UBE2F: variants seen among roughly 807,000 people sequenced by gnomAD.
UBE2F encodes the protein ubiquitin conjugating enzyme E2 F (putative).
In UBE2F, 5 loss-of-function variants were observed where a neutral mutation model predicts 29.6. The observed-to-expected ratio is 0.17, with a 90% confidence interval of 0.09 to 0.36. The LOEUF (loss-of-function observed/expected upper bound fraction) is 0.36, where lower values mean the gene tolerates loss of function less well. Ranked by LOEUF, UBE2F falls within the 10% of genes least tolerant of loss-of-function variation. The pLI is 1.00. For missense variants in UBE2F, 141 were observed against 228.5 expected (o/e 0.62, Z 2.47); for synonymous variants, 66 against 81.8 (o/e 0.81, Z 1.04).
intron 4 of UBE2F, among the ~76,000 whole-genome samples, chr2:238,004,891 C>T (rs1170274528): frequency 6.6e-6 from 1 of 152,146 alleles, no homozygotes; most frequent in Non-Finnish European, 1.5e-5. Flanking sequence ...ACTGCTCCCT[C>T]TGGAGATGGA....
intron 2 of UBE2F, among the ~76,000 whole-genome samples, chr2:237,984,084 C>T (rs112033150): frequency 6.6e-6 from 1 of 151,754 alleles, no homozygotes; most frequent in Non-Finnish European, 1.5e-5. Context: ...TCCTACCCCT[C>T]CCCTACTCCT....
intron 4 of UBE2F, among the ~76,000 whole-genome samples, chr2:238,000,725 ATAAAAC>A (rs1371655137): frequency 2.0e-5 from 3 of 152,212 alleles, no homozygotes; most frequent in African/African-American, 7.2e-5. Flanking sequence ...GTTTAACTTT[ATAAAAC>A]CACCGCCATT....
At chr2:237,979,072 G>A (rs2063335012) in intron 2 of UBE2F, among the ~76,000 whole-genome samples, 1 of 152,218 alleles carries the variant, frequency 6.6e-6, no homozygotes, top group African/African-American at 2.4e-5. Flanking sequence ...GTCTCCAGGA[G>A]GTCTGACAGG....
intron 4 of UBE2F, among the ~76,000 whole-genome samples, chr2:238,004,383 T>C (rs2063858993): frequency 6.6e-6 from 1 of 152,126 alleles, no homozygotes; most frequent in South Asian, 2.1e-4. Flanking sequence ...TGCTCAACTG[T>C]TGTGCTCATT....
intron 9 of UBE2F, among the ~76,000 whole-genome samples, chr2:238,038,328 C>T (rs1246314726): frequency 6.6e-6 from 1 of 152,236 alleles, no homozygotes; most frequent in Non-Finnish European, 1.5e-5. Flanking sequence ...CAGCCCTGTG[C>T]TCACAGCTCC....
At chr2:238,007,972 T>C (rs943139634) in intron 4 of UBE2F, among the ~76,000 whole-genome samples, 1 of 152,158 alleles carries the variant, frequency 6.6e-6, no homozygotes, top group Non-Finnish European at 1.5e-5. Context: ...GATTTTTTTT[T>C]AGACAAGGTC....
chr2:237,981,046 C>T (rs151240590), intron 2 of UBE2F, among the ~76,000 whole-genome samples: 192 of 152,296 alleles, frequency 1.3e-3, no homozygotes, highest in Non-Finnish European at 2.2e-3. Flanking sequence ...GGAAGTTATG[C>T]GGCCACGGAA....
chr2:237,986,268 A>G (rs1173260866), intron 2 of UBE2F: 1 of 302,106 alleles, frequency 3.3e-6, no homozygotes, highest in African/African-American at 2.3e-5. Context: ...TCCCACTTCA[A>G]TATCTTGAGC....
rs1322060467 is a variant in UBE2F, at chr2:238,041,712, T to C, written c.*374T>C. 1 of 199,740 alleles carries C rather than the reference T, an allele frequency of 5.0e-6. No homozygotes were observed. The highest frequency in any genetic ancestry group is 1.0e-5 in the Non-Finnish European group (1 of 97,632). 12.4% of individuals were successfully genotyped at this position (199,740 alleles called of 1,614,324 possible). On this transcript the variant is annotated 3_prime_UTR_variant, in exon 10 of 10. Coordinates refer to ENST00000272930, the MANE Select transcript of UBE2F (RefSeq NM_080678.3). ...CAAAATTGGTTTTCTGCACAAGCGA[T>C]GCTAATGATGTGTTCAGTGTAACTC...
chr2:237,973,331 G>T, intron 2 of UBE2F, 106 bp downstream of exon 2: 3 of 1,276,164 alleles, frequency 2.4e-6, no homozygotes, highest in Non-Finnish European at 2.2e-6. Context: ...AGAAATACCT[G>T]TTTAAAAGAT....
intron 4 of UBE2F, among the ~76,000 whole-genome samples, chr2:237,999,635 A>G (rs1319762032): frequency 6.6e-6 from 1 of 152,102 alleles, no homozygotes; most frequent in African/African-American, 2.4e-5. Context: ...TCCTTTCTTC[A>G]TTGAATTACC....
At chr2:237,974,662 T>C (rs1261603441) in intron 2 of UBE2F, among the ~76,000 whole-genome samples, 3 of 151,386 alleles carry the variant, frequency 2.0e-5, no homozygotes, top group African/African-American at 7.3e-5. Flanking sequence ...TACAGGCGCC[T>C]GCCACCACGC....
chr2:238,027,452 C>T (rs1356533583), intron 6 of UBE2F, among the ~76,000 whole-genome samples: 2 of 152,204 alleles, frequency 1.3e-5, no homozygotes, highest in Non-Finnish European at 2.9e-5. Flanking sequence ...TGGCTTACCA[C>T]TCACCAGATT....
chr2:238,033,578 A>T (rs2106409808), intron 8 of UBE2F, among the ~76,000 whole-genome samples: 1 of 152,204 alleles, frequency 6.6e-6, no homozygotes, highest in South Asian at 2.1e-4. Flanking sequence ...GTCTGCTCTT[A>T]CTTGTCCTGT....
intron 7 of UBE2F, among the ~76,000 whole-genome samples, chr2:238,031,950 G>A (rs561612031): frequency 2.6e-4 from 40 of 152,368 alleles, no homozygotes; most frequent in African/African-American, 8.7e-4. Flanking sequence ...GGGCCCTGTC[G>A]TGCAGGATTG....
Position 238,022,474 on chromosome 2 carries a change from T to C in UBE2F, c.283-2868T>C, listed in dbSNP as rs564751224. ...TTTTTTAGCTATGCTGTAAATACTTTCTTTGTTTTGCATTTGCCGTCTTTA... is the reference window on the plus strand; with the variant it reads ...TTTTTTAGCTATGCTGTAAATACTTCCTTTGTTTTGCATTTGCCGTCTTTA... On this transcript the variant is annotated intron_variant, in intron 5 of 9. Coordinates refer to ENST00000272930, the MANE Select transcript of UBE2F (RefSeq NM_080678.3). 2.0e-5 allele frequency among the ~76,000 whole-genome samples: 3 copies of C among 152,350 alleles called. No individual in the cohort carries two copies. In the East Asian group the frequency reaches 5.8e-4, roughly 29 times the overall value.
intron 3 of UBE2F, chr2:237,990,486 T>C (rs1400670972): frequency 4.7e-6 from 2 of 428,598 alleles, no homozygotes; most frequent in Non-Finnish European, 9.2e-6. Flanking sequence ...CACTGCAGTC[T>C]CAACCTCCTG....
chr2:237,994,846 C>T, intron 4 of UBE2F, 37 bp downstream of exon 4: 1 of 1,563,172 alleles, frequency 6.4e-7, no homozygotes, highest in South Asian at 1.1e-5. Context: ...TGATTTCAAA[C>T]AGCGAATTAT....
intron 8 of UBE2F, chr2:238,035,439 A>G (rs946599312): frequency 1.7e-5 from 3 of 181,534 alleles, no homozygotes; most frequent in Non-Finnish European, 3.5e-5. Flanking sequence ...TGAAGCAGAG[A>G]AAGGAAAGTC....
Sources: gnomAD v4.1 joint callset for allele counts (sites outside exome capture counted in the v4.1 genomes callset) on GRCh38, gnomAD v4.1.1 for gene constraint, MANE v1.5 for transcripts, NCBI Gene and HGNC (gene_info 2026-07-23, HGNC 2026-07-21) for gene names.